Variants in CENPK observed in about 807,000 individuals in gnomAD.
CENPK encodes the protein centromere protein K, also known as SoxLZ/Sox6-binding protein Solt.
CENPK carries 46 observed loss-of-function variants against 40.9 expected under a neutral mutation model. The observed-to-expected ratio is 1.13, with a 90% CI of 0.89 to 1.44. The LOEUF is 1.44. Ranked by LOEUF, CENPK falls within the 40% of genes most tolerant of loss-of-function variation. CENPK has a pLI of 0.00. For missense variants in CENPK, 288 were observed against 303.5 expected (o/e 0.95, Z 0.38); for synonymous variants, 107 against 104.4 (o/e 1.02, Z -0.15).
chr5:65,560,887 T>C (rs1218504404), intron 2 of CENPK: 1 of 152,206 alleles, frequency 6.6e-6, no homozygotes, highest in Middle Eastern at 3.2e-3. Flanking sequence ...TATACAATTA[T>C]GTTTACTGGC....
the CENPK span, among the ~76,000 whole-genome samples, chr5:65,511,886 G>T: frequency 6.6e-6 from 1 of 152,168 alleles, no homozygotes. Context: ...AGAGATGGCT[G>T]CTCTGATGGA....
chr5:65,540,165 T>C (rs1371221349), intron 6 of CENPK, among the ~76,000 whole-genome samples: 1 of 152,202 alleles, frequency 6.6e-6, no homozygotes, highest in East Asian at 1.9e-4. Context: ...AACATTTAAA[T>C]TCAGCTTCAT....
the CENPK span, among the ~76,000 whole-genome samples, chr5:65,508,339 G>T: frequency 6.6e-6 from 1 of 152,130 alleles, no homozygotes; most frequent in Non-Finnish European, 1.5e-5. Context: ...CTATAAGGAA[G>T]ATTTATTCAT....
At chr5:65,502,077 A>G in the CENPK span, among the ~76,000 whole-genome samples, 1 of 152,210 alleles carries the variant, frequency 6.6e-6, no homozygotes, top group South Asian at 2.1e-4. Context: ...TTATAGCTCA[A>G]CAAGGGTGGA....
intron 6 of CENPK, among the ~76,000 whole-genome samples, chr5:65,539,526 C>T (rs1486611859): frequency 6.6e-6 from 1 of 152,202 alleles, no homozygotes; most frequent in African/African-American, 2.4e-5. Context: ...AATCTTAAGG[C>T]CCAAGAATAA....
At chr5:65,533,978 G>A (rs1358347040) in intron 6 of CENPK, among the ~76,000 whole-genome samples, 1 of 149,700 alleles carries the variant, frequency 6.7e-6, no homozygotes, top group Non-Finnish European at 1.5e-5. Flanking sequence ...AACCCGGGAG[G>A]TGGAGCTTGC....
chr5:65,555,174 A>G (rs1350419866), intron 2 of CENPK: 1 of 249,740 alleles, frequency 4.0e-6, no homozygotes, highest in African/African-American at 2.3e-5. Flanking sequence ...AAGACAAGGA[A>G]GAAACATAGG....
At chr5:65,514,335 C>G (rs1742714282), downstream of CENPK, among the ~76,000 whole-genome samples, 1 of 145,468 alleles carries the variant, frequency 6.9e-6, no homozygotes, top group Non-Finnish European at 1.5e-5. Context: ...GCAGTCTCAG[C>G]TCACTGCAAC....
At chr5:65,552,578 TCA>T (rs746670416) in intron 3 of CENPK, 29 bp from the exon 4 acceptor site, 72 of 1,404,574 alleles carry the variant, frequency 5.1e-5, no homozygotes, top group Non-Finnish European at 6.9e-5. Context: ...AAAAGGCAAG[TCA>T]CACACGATAA....
At chr5:65,504,669 T>C in the CENPK span, among the ~76,000 whole-genome samples, 1 of 152,162 alleles carries the variant, frequency 6.6e-6, no homozygotes, top group Non-Finnish European at 1.5e-5. Flanking sequence ...TAAACATATA[T>C]TGTATTTTTT....
chr5:65,517,643 C>A (rs1018217369), downstream of CENPK: 2 of 152,088 alleles, frequency 1.3e-5, no homozygotes, highest in Non-Finnish European at 2.9e-5. Flanking sequence ...ACTAATGATA[C>A]TAAATGGATT....
Position 65,554,937 on chromosome 5 carries a change from A to G in CENPK, c.-30T>C. On this transcript the variant is annotated 5_prime_UTR_variant, in exon 3 of 11. Transcript: ENST00000396679. ...ATATGCTTTGTGAATTTTTAGCCTT[A>G]TAAGAAAAACTAAAGCAAAAAATAT... is the stretch of plus-strand genomic sequence containing the variant. 7.3e-7 allele frequency: 1 copy of G among 1,366,050 alleles called. No homozygotes were observed. 84.6% of individuals were successfully genotyped at this position (1,366,050 alleles called of 1,614,324 possible).
the CENPK span, among the ~76,000 whole-genome samples, chr5:65,497,282 C>T: frequency 1.3e-5 from 2 of 151,398 alleles, no homozygotes; most frequent in East Asian, 2.0e-4. Flanking sequence ...GCAGGAGAAT[C>T]GCTTGAACCC....
At chr5:65,516,940 G>A (rs1293469211), downstream of CENPK, among the ~76,000 whole-genome samples, 4 of 151,698 alleles carry the variant, frequency 2.6e-5, no homozygotes, top group African/African-American at 7.3e-5. Flanking sequence ...CAAGCATAAG[G>A]ATTACTTTTT....
At chr5:65,518,851 A>T (rs1238456908) in intron 10 of CENPK, among the ~76,000 whole-genome samples, 3 of 152,162 alleles carry the variant, frequency 2.0e-5, no homozygotes, top group African/African-American at 7.2e-5. Flanking sequence ...TTAGAAAAAC[A>T]TTTCCTAAAA....
chr5:65,551,774 T>C (rs1561686436), intron 4 of CENPK, 138 bp from the exon 5 acceptor site: 3 of 444,798 alleles, frequency 6.7e-6, no homozygotes, highest in Middle Eastern at 5.0e-4. Context: ...AGAGGCAACT[T>C]TATTTTAATT....
At chr5:65,549,351 G>A (rs1749571380) in intron 5 of CENPK, among the ~76,000 whole-genome samples, 1 of 152,098 alleles carries the variant, frequency 6.6e-6, no homozygotes, top group Non-Finnish European at 1.5e-5. Context: ...ATTCTTAAGG[G>A]CCCTAGGATT....
the CENPK span, among the ~76,000 whole-genome samples, chr5:65,498,243 A>G: frequency 2.6e-5 from 4 of 152,086 alleles, no homozygotes; most frequent in African/African-American, 9.7e-5. Context: ...ATGTAAATAT[A>G]TATCAATATA....
At chr5:65,549,207 CT>C (rs964059095) in intron 5 of CENPK, among the ~76,000 whole-genome samples, 32 of 147,610 alleles carry the variant, frequency 2.2e-4, no homozygotes, top group Admixed American at 4.1e-4. Context: ...TGAAAGGAAT[CT>C]TTTTTTTTTT....
Sources: gnomAD v4.1 joint callset for allele counts (sites outside exome capture counted in the v4.1 genomes callset) on GRCh38, gnomAD v4.1.1 for gene constraint, MANE v1.5 for transcripts, NCBI Gene and HGNC (gene_info 2026-07-23, HGNC 2026-07-21) for gene names.